The following HOOK3 variants were observed in gnomAD, a reference collection of about 807,000 sequenced individuals.
HOOK3 encodes hook microtubule tethering protein 3.
Under a neutral mutation model 116.3 loss-of-function variants are expected in HOOK3, and 24 were observed. The observed-to-expected ratio is 0.21, with a 90% confidence interval of 0.15 to 0.29. The LOEUF is 0.29. Among genes scored for constraint, HOOK3 ranks in the 10% least tolerant of loss-of-function variants. HOOK3 has a pLI of 1.00. For missense variants in HOOK3, 632 were observed against 830.2 expected (o/e 0.76, Z 2.93); for synonymous variants, 275 against 283.0 (o/e 0.97, Z 0.28).
chr8:42,979,557 G>C (rs1808894711), intron 13 of HOOK3, among the ~76,000 whole-genome samples: 1 of 152,092 alleles, frequency 6.6e-6, no homozygotes, highest in Admixed American at 6.6e-5. Context: ...CCTGAAACTG[G>C]AATTTTTCTT....
Position 42,961,370 on chromosome 8 carries a change from T to G in HOOK3, c.615+2056T>G, listed in dbSNP as rs1808531860. On this transcript the variant is annotated intron_variant, in intron 8 of 21. Coordinates refer to ENST00000307602, the MANE Select transcript of HOOK3 (RefSeq NM_032410.4). ...TATAACACATGAGTAAGAACTTCCC[T>G]TTTTTCATCACTGTATCCCTTGCAC... Among the ~76,000 whole-genome samples, 6 of 152,374 alleles carry G rather than the reference T, an allele frequency of 3.9e-5. No homozygotes were observed. In the South Asian group the frequency reaches 1.2e-3, roughly 32 times the overall value.
In HOOK3 at chr8:42,968,158, G is replaced by A. The variant is rs766101388; in HGVS notation, c.1066G>A (p.Glu356Lys). Reference sequence around the variant, plus strand: ...TATGCAGAATACTGTCAGTCTAGAGGAAGAGTTAAGAAAGGCCAACGCAGC... The same window carrying A: ...TATGCAGAATACTGTCAGTCTAGAGAAAGAGTTAAGAAAGGCCAACGCAGC... ...MYMQNTVSLE[E>K]ELRKANAARS... The change falls in exon 11 of 22, where the codon GAA (glutamate) becomes AAA (lysine). Residue 356 changes from glutamate (E) to lysine (K), a missense_variant. Physicochemically the swap from Glu to Lys is moderately conservative, Grantham distance 56 (BLOSUM62 1). This residue lies in a region of HOOK3 where 483 missense variants were observed against 648.1 expected (regional missense o/e 0.75). Transcript: ENST00000307602. 1 of 1,613,956 alleles carries A rather than the reference G, an allele frequency of 6.2e-7. No homozygotes were observed. The highest frequency in any genetic ancestry group is 2.2e-5 in the East Asian group (1 of 44,866).
At chr8:42,965,341 G>T (rs1808614049) in intron 9 of HOOK3, among the ~76,000 whole-genome samples, 1 of 150,270 alleles carries the variant, frequency 6.7e-6, no homozygotes. Flanking sequence ...GTGTGTGTGT[G>T]TATGTGTGTG....
intron 5 of HOOK3, 45 bp downstream of exon 5, chr8:42,943,490 A>T: frequency 7.7e-7 from 1 of 1,291,910 alleles, no homozygotes; most frequent in Admixed American, 2.8e-5. Context: ...TAATGAAGGA[A>T]AGTAGTGTAT....
At position 42,904,306 on chromosome 8, in the gene HOOK3, CT is replaced by C. The variant is rs753501072; in HGVS notation, c.58-1846del. 6.8e-3 allele frequency among the ~76,000 whole-genome samples: 835 copies of C among 122,432 alleles called. 1 individual carries two copies. Among genetic ancestry groups the C allele is most frequent in the South Asian group, 0.012 (43 of 3,518 alleles). 80.3% of individuals were successfully genotyped at this position (122,432 alleles called of 152,430 possible). ...TCCTTCATACTGCAGCCGGTATGATCTTTTTTTTTTTTTTTTTTTTTGAGAC... is the reference window on the plus strand; with the variant it reads ...TCCTTCATACTGCAGCCGGTATGATCTTTTTTTTTTTTTTTTTTTTGAGAC... On this transcript the variant is annotated intron_variant, in intron 1 of 21. Coordinates refer to ENST00000307602, the MANE Select transcript of HOOK3 (RefSeq NM_032410.4).
At position 43,030,526 on chromosome 8, in the gene HOOK3, T is replaced by C. The variant is rs1257258925; in HGVS notation, c.*12028T>C. 1.2e-5 allele frequency: 2 copies of C among 171,158 alleles called. No homozygotes were observed. The highest frequency in any genetic ancestry group is 2.4e-5 in the African/African-American group (1 of 42,054). The allele number at this position is 171,158 out of a possible 1,614,324, so 10.6% of individuals were successfully genotyped here. A position where few individuals can be genotyped will look rare whatever the true frequency, so the allele number is the denominator to read the frequency against. Reference sequence around the variant, plus strand: ...GTTAAACAAGTTGTAAATAAAGACTTGTATAAAAATTCAGCCTAGATTTCT... The same window carrying C: ...GTTAAACAAGTTGTAAATAAAGACTCGTATAAAAATTCAGCCTAGATTTCT... On this transcript the variant is annotated 3_prime_UTR_variant, in exon 22 of 22. Transcript: ENST00000307602.
At chr8:42,897,264 G>A (rs991467644) in intron 1 of HOOK3, 76 bp downstream of exon 1, 26 of 1,058,082 alleles carry the variant, frequency 2.5e-5, no homozygotes, top group Non-Finnish European at 6.0e-6. Flanking sequence ...CGCGGCCCGT[G>A]GGGCGAGCGC....
intron 11 of HOOK3, among the ~76,000 whole-genome samples, chr8:42,968,949 T>G (rs996865447): frequency 1.3e-5 from 2 of 152,200 alleles, no homozygotes; most frequent in Non-Finnish European, 2.9e-5. Flanking sequence ...TTTATATAAA[T>G]GATACAGTGA....
At chr8:42,964,196 C>A in intron 8 of HOOK3, 115 bp from the exon 9 acceptor site, 1 of 1,020,474 alleles carries the variant, frequency 9.8e-7, no homozygotes, top group Non-Finnish European at 1.4e-6. Flanking sequence ...GACAGTGAGA[C>A]TCCGCCTCAA....
At chr8:42,982,315 G>A (rs1472277461) in intron 13 of HOOK3, among the ~76,000 whole-genome samples, 1 of 151,050 alleles carries the variant, frequency 6.6e-6, no homozygotes, top group Non-Finnish European at 1.5e-5. Context: ...AGGTTACCAG[G>A]GGATAGGGGA....
At chr8:43,014,285 G>GACA (rs1809666789) in intron 21 of HOOK3, among the ~76,000 whole-genome samples, 2 of 66,696 alleles carry the variant, frequency 3.0e-5, no homozygotes, top group Admixed American at 3.4e-4. Flanking sequence ...GACTGTCTCA[G>GACA]AAAAAAAAAA....
intron 6 of HOOK3, among the ~76,000 whole-genome samples, chr8:42,953,291 C>T (rs1009263929): frequency 2.0e-5 from 3 of 149,286 alleles, no homozygotes; most frequent in South Asian, 4.3e-4. Context: ...TACGGCCAGG[C>T]GCGGTGGCTC....
At chr8:42,977,325 C>A (rs1808848292) in intron 13 of HOOK3, among the ~76,000 whole-genome samples, 1 of 152,118 alleles carries the variant, frequency 6.6e-6, no homozygotes, top group East Asian at 1.9e-4. Flanking sequence ...AGTGAAGACA[C>A]CTGGGGACTC....
rs546471659 is a variant in HOOK3 at position 42,924,922 on chromosome 8, G to A, written c.144-635G>A. Among the ~76,000 whole-genome samples the A allele has an allele frequency of 9.6e-4, 144 of 150,486 alleles. 1 individual carries two copies. In the South Asian group the frequency reaches 0.011, roughly 12 times the overall value. The stretch of plus-strand genomic sequence containing the variant: ...TGGGAGGTAGAGGTTGCAGTGAGCC[G>A]AGATCACACCATTGCACTCCAGCCT... On this transcript the variant is annotated intron_variant, in intron 2 of 21. Transcript: ENST00000307602.
At chr8:42,938,813 A>G (rs1411482936) in intron 4 of HOOK3, among the ~76,000 whole-genome samples, 2 of 152,080 alleles carry the variant, frequency 1.3e-5, no homozygotes, top group Non-Finnish European at 2.9e-5. Flanking sequence ...AGATCAGCAG[A>G]TAAACAAGTG....
rs995917713 is a variant in HOOK3 at position 43,022,159 on chromosome 8, G to A, written c.*3661G>A. ...GCCAAGAATAAAATTTAGCTCTAAC[G>A]GTGGCAACTCCATGTCCGGTGTCCA... is the stretch of plus-strand genomic sequence containing the variant. On this transcript the variant is annotated 3_prime_UTR_variant, in exon 22 of 22. Transcript: ENST00000307602. The A allele has an allele frequency of 9.8e-6, 2 of 204,764 alleles. No individual in the cohort carries two copies. The highest frequency in any genetic ancestry group is 1.9e-4 in the South Asian group (1 of 5,266). The allele number at this position is 204,764 out of a possible 1,614,324, so 12.7% of individuals were successfully genotyped here.
intron 12 of HOOK3, 23 bp downstream of exon 12, chr8:42,973,422 T>G: frequency 6.4e-7 from 1 of 1,551,072 alleles, no homozygotes; most frequent in South Asian, 1.2e-5. Context: ...ATTAGGCATT[T>G]TGGTTTTGAG....
At position 43,020,296 on chromosome 8, in the gene HOOK3, G is replaced by A. The variant is rs1280150282; in HGVS notation, c.*1798G>A. On this transcript the variant is annotated 3_prime_UTR_variant, in exon 22 of 22. Coordinates refer to ENST00000307602, the MANE Select transcript of HOOK3 (RefSeq NM_032410.4). ...GATAGCCATGAGTAGAACTGCTGTA[G>A]GGCTTCAGGAGGCTACGCAGACCTG... 10 of 200,380 alleles carry A rather than the reference G, an allele frequency of 5.0e-5. No individual in the cohort carries two copies. Among genetic ancestry groups the A allele is most frequent in the Non-Finnish European group, 9.3e-5 (9 of 97,236 alleles). 12.4% of individuals were successfully genotyped at this position (200,380 alleles called of 1,614,324 possible).
chr8:42,978,264 TGG>T (rs1437915130), intron 13 of HOOK3, among the ~76,000 whole-genome samples: 1 of 152,186 alleles, frequency 6.6e-6, no homozygotes. Context: ...TTTTTTGAGA[TGG>T]AGTTTCGCTC....
Sources: allele counts gnomAD v4.1 joint callset (sites outside exome capture counted in the v4.1 genomes callset), GRCh38; gene constraint gnomAD v4.1.1; regional missense constraint gnomAD v4.1.1; transcripts MANE v1.5; gene names NCBI Gene and HGNC (gene_info 2026-07-23, HGNC 2026-07-21).